The following PKP4 variants were observed in gnomAD, a reference collection of about 807,000 sequenced individuals.
PKP4 encodes plakophilin 4.
In PKP4, 90 loss-of-function variants were observed where a neutral mutation model predicts 145.1. The ratio of observed to expected loss-of-function variants is 0.62; its 90% CI spans 0.52 to 0.74. The LOEUF (loss-of-function observed/expected upper bound fraction) is 0.74. PKP4 is among the 30% of genes least tolerant of loss of function. The pLI, the probability that PKP4 is intolerant of heterozygous loss-of-function variation, is 0.00. For missense variants in PKP4, 1,340 were observed against 1,482.7 expected, an observed-to-expected ratio of 0.90 and a Z score of 1.58; for synonymous variants, 563 against 577.2, an observed-to-expected ratio of 0.98 and a Z score of 0.35.
chr2:158,624,501 A>G (rs544496188), intron 6 of PKP4, among the ~76,000 whole-genome samples: 3 of 152,352 alleles, frequency 2.0e-5, no homozygotes, highest in Admixed American at 6.5e-5. Context: ...AAGTAAGTAC[A>G]TTGTTCTGGT....
intron 1 of PKP4, among the ~76,000 whole-genome samples, chr2:158,520,262 T>G (rs2042258865): frequency 6.6e-6 from 1 of 152,208 alleles, no homozygotes; most frequent in African/African-American, 2.4e-5. Context: ...TGGTGTTATA[T>G]GTTAACCGTG....
chr2:158,554,582 T>C lies in PKP4; in HGVS notation c.132+21266T>C, dbSNP rs376273950. Among the ~76,000 whole-genome samples, 359 of 152,040 alleles carry C rather than the reference T, an allele frequency of 2.4e-3. 2 individuals are homozygous for C. The highest frequency in any genetic ancestry group is 8.4e-3 in the African/African-American group (347 of 41,480). ...CTGGGACTACAGGTGCCCGCCACCA[T>C]GCCAGGCTAATTTTTTGTATTTTTA... On this transcript the variant is annotated intron_variant, in intron 2 of 21. Transcript: ENST00000389759.
chr2:158,557,370 G>A (rs1448500828), intron 2 of PKP4, among the ~76,000 whole-genome samples: 2 of 152,158 alleles, frequency 1.3e-5, no homozygotes, highest in African/African-American at 2.4e-5. Context: ...ATCATAAATT[G>A]TAGTTGTATG....
intron 4 of PKP4, among the ~76,000 whole-genome samples, chr2:158,616,167 G>A (rs1282331699): frequency 6.6e-6 from 1 of 152,016 alleles, no homozygotes; most frequent in African/African-American, 2.4e-5. Context: ...TCATGTTTCC[G>A]TCACCCTGAA....
intron 2 of PKP4, among the ~76,000 whole-genome samples, chr2:158,533,930 T>A (rs1003430163): frequency 1.7e-4 from 26 of 152,278 alleles, no homozygotes; most frequent in African/African-American, 6.3e-4. Context: ...CTTAGAGAAA[T>A]TGGAATTCTG....
intron 11 of PKP4, among the ~76,000 whole-genome samples, chr2:158,649,891 G>A (rs951921853): frequency 4.6e-5 from 7 of 152,226 alleles, no homozygotes; most frequent in Non-Finnish European, 1.0e-4. Flanking sequence ...ATAGCTTGCA[G>A]CTGGAGGCAC....
intron 2 of PKP4, among the ~76,000 whole-genome samples, chr2:158,541,472 T>G (rs1276250905): frequency 1.3e-5 from 2 of 152,148 alleles, no homozygotes; most frequent in East Asian, 3.9e-4. Flanking sequence ...ATCTTAAGAG[T>G]TTTTATGTAC....
chr2:158,514,527 G>C (rs2105539185), intron 1 of PKP4, among the ~76,000 whole-genome samples: 1 of 152,252 alleles, frequency 6.6e-6, no homozygotes, highest in East Asian at 1.9e-4. Flanking sequence ...CCTCTATCCT[G>C]CTGAAGACCA....
chr2:158,467,902 A>G (rs1462404439), intron 1 of PKP4, among the ~76,000 whole-genome samples: 3 of 152,138 alleles, frequency 2.0e-5, no homozygotes, highest in African/African-American at 7.2e-5. Context: ...AAAGTATGTG[A>G]TTTGGGATAT....
At chr2:158,478,091 A>G (rs1474506140) in intron 1 of PKP4, among the ~76,000 whole-genome samples, 3 of 152,120 alleles carry the variant, frequency 2.0e-5, no homozygotes, top group African/African-American at 4.8e-5. Flanking sequence ...TTAAATTTGC[A>G]GTTTTGTTTT....
At chr2:158,643,924 C>T (rs575837371) in intron 11 of PKP4, among the ~76,000 whole-genome samples, 2 of 152,174 alleles carry the variant, frequency 1.3e-5, no homozygotes, top group African/African-American at 4.8e-5. Flanking sequence ...CGCCACCAAA[C>T]CCAGCTAATT....
chr2:158,663,508 A>G (rs2056802231), intron 15 of PKP4, 63 bp downstream of exon 15: 3 of 1,391,180 alleles, frequency 2.2e-6, no homozygotes, highest in African/African-American at 1.4e-5. Context: ...GAAATGTTAT[A>G]TATATATGTT....
At chr2:158,473,075 C>G (rs954066304) in intron 1 of PKP4, among the ~76,000 whole-genome samples, 3 of 152,178 alleles carry the variant, frequency 2.0e-5, no homozygotes, top group Non-Finnish European at 4.4e-5. Flanking sequence ...TATCACTGAT[C>G]ATTAGACAAA....
At chr2:158,638,105 T>G (rs2053967253) in intron 9 of PKP4, among the ~76,000 whole-genome samples, 1 of 152,230 alleles carries the variant, frequency 6.6e-6, no homozygotes, top group Non-Finnish European at 1.5e-5. Context: ...CTCCTTGCAC[T>G]CTGTTAATTA....
intron 2 of PKP4, among the ~76,000 whole-genome samples, chr2:158,576,884 A>G (rs1423633339): frequency 6.6e-6 from 1 of 152,194 alleles, no homozygotes; most frequent in African/African-American, 2.4e-5. Context: ...ATGCTGACAT[A>G]TAGTATAAGA....
chr2:158,539,519 T>C (rs1352470338), intron 2 of PKP4, among the ~76,000 whole-genome samples: 2 of 152,240 alleles, frequency 1.3e-5, no homozygotes, highest in East Asian at 3.8e-4. Flanking sequence ...AAGCATAGTT[T>C]GTCACTTAAC....
chr2:158,633,224 A>G (rs571740420), intron 8 of PKP4, among the ~76,000 whole-genome samples: 13 of 152,386 alleles, frequency 8.5e-5, no homozygotes, highest in Admixed American at 2.6e-4. Flanking sequence ...CCCTGTATAT[A>G]CTATGTGTTT....
intron 1 of PKP4, among the ~76,000 whole-genome samples, chr2:158,474,068 A>T (rs1473880482): frequency 6.6e-6 from 1 of 152,222 alleles, no homozygotes; most frequent in Non-Finnish European, 1.5e-5. Flanking sequence ...TCCCAAAGTA[A>T]AACTACAACT....
intron 1 of PKP4, among the ~76,000 whole-genome samples, chr2:158,502,103 T>C (rs1217336662): frequency 6.6e-6 from 1 of 152,178 alleles, no homozygotes; most frequent in African/African-American, 2.4e-5. Flanking sequence ...TGACTTTGCT[T>C]TATTGCATTC....
Sources: gnomAD v4.1 joint callset for allele counts (sites outside exome capture counted in the v4.1 genomes callset) on GRCh38, gnomAD v4.1.1 for gene constraint, MANE v1.5 for transcripts, NCBI Gene and HGNC (gene_info 2026-07-23, HGNC 2026-07-21) for gene names.